HS3ST4: variants seen among roughly 807,000 people sequenced by gnomAD.
HS3ST4 encodes heparan sulfate-glucosamine 3-sulfotransferase 4.
HS3ST4 carries 17 observed loss-of-function variants against 29.2 expected under a neutral mutation model. The ratio of observed to expected loss-of-function variants is 0.58; its 90% CI spans 0.40 to 0.87. The LOEUF (loss-of-function observed/expected upper bound fraction) is 0.87, where lower values mean the gene tolerates loss of function less well. Among genes scored for constraint, HS3ST4 ranks in the 40% least tolerant of loss-of-function variants. HS3ST4 has a pLI of 0.00. For missense variants in HS3ST4, 627 were observed against 634.5 expected, an observed-to-expected ratio of 0.99 and a Z score of 0.13; for synonymous variants, 314 against 285.7, an observed-to-expected ratio of 1.10 and a Z score of -1.00.
intron 1 of HS3ST4, among the ~76,000 whole-genome samples, chr16:25,917,397 G>C (rs1968303592): frequency 6.6e-6 from 1 of 152,104 alleles, no homozygotes; most frequent in South Asian, 2.1e-4. Context: ...ATTTTTAGTA[G>C]AGATGGGGTT....
intron 1 of HS3ST4, among the ~76,000 whole-genome samples, chr16:25,855,846 T>G (rs1967569255): frequency 6.6e-6 from 1 of 152,152 alleles, no homozygotes; most frequent in African/African-American, 2.4e-5. Context: ...TGGGCTTGAC[T>G]GCCTGGGCTG....
At chr16:25,922,665 T>G (rs1968365639) in intron 1 of HS3ST4, among the ~76,000 whole-genome samples, 1 of 152,240 alleles carries the variant, frequency 6.6e-6, no homozygotes. Context: ...TCGTTGCCCT[T>G]GCAGAGATAA....
intron 1 of HS3ST4, among the ~76,000 whole-genome samples, chr16:25,949,173 G>A (rs1034702489): frequency 2.0e-5 from 3 of 151,988 alleles, no homozygotes; most frequent in Non-Finnish European, 4.4e-5. Context: ...GGAGAATGGG[G>A]TATCCAACCC....
intron 1 of HS3ST4, among the ~76,000 whole-genome samples, chr16:25,956,377 T>C (rs1968732825): frequency 6.6e-6 from 1 of 152,202 alleles, no homozygotes; most frequent in Non-Finnish European, 1.5e-5. Flanking sequence ...TTGCTCTATG[T>C]TGATAGAATC....
chr16:26,060,544 T>C (rs1178392119), intron 1 of HS3ST4, among the ~76,000 whole-genome samples: 1 of 152,152 alleles, frequency 6.6e-6, no homozygotes, highest in Non-Finnish European at 1.5e-5. Flanking sequence ...TGGTTTTCCA[T>C]AGCAGACATT....
At chr16:25,859,544 T>C (rs913291962) in intron 1 of HS3ST4, among the ~76,000 whole-genome samples, 7 of 152,224 alleles carry the variant, frequency 4.6e-5, no homozygotes, top group Non-Finnish European at 1.0e-4. Context: ...ATAACAAGAC[T>C]AAATTACATA....
At chr16:25,856,042 G>A (rs1967571236) in intron 1 of HS3ST4, among the ~76,000 whole-genome samples, 1 of 151,992 alleles carries the variant, frequency 6.6e-6, no homozygotes, top group African/African-American at 2.4e-5. Flanking sequence ...TTCCACCCTG[G>A]ATAGGTCTGT....
intron 1 of HS3ST4, among the ~76,000 whole-genome samples, chr16:25,862,645 C>T (rs1296888226): frequency 1.3e-5 from 2 of 152,288 alleles, no homozygotes; most frequent in South Asian, 2.1e-4. Context: ...GAACCCCTGT[C>T]GTACAGTAAG....
At chr16:25,817,838 C>T (rs1031860247) in intron 1 of HS3ST4, among the ~76,000 whole-genome samples, 6 of 152,268 alleles carry the variant, frequency 3.9e-5, no homozygotes, top group African/African-American at 1.2e-4. Flanking sequence ...GCCTCTGTGG[C>T]TAGGGATATA....
chr16:26,129,300 A>C (rs957091045), intron 1 of HS3ST4, among the ~76,000 whole-genome samples: 1 of 152,204 alleles, frequency 6.6e-6, no homozygotes, highest in Non-Finnish European at 1.5e-5. Flanking sequence ...TTTGCCACCT[A>C]CAAGTGACCT....
At chr16:25,840,868 T>A (rs1967404572) in intron 1 of HS3ST4, among the ~76,000 whole-genome samples, 1 of 152,184 alleles carries the variant, frequency 6.6e-6, no homozygotes, top group African/African-American at 2.4e-5. Context: ...CCAAACCCAA[T>A]CCATGGGCCA....
intron 1 of HS3ST4, among the ~76,000 whole-genome samples, chr16:26,066,456 T>C (rs1898543612): frequency 1.3e-5 from 2 of 152,214 alleles, no homozygotes; most frequent in South Asian, 4.1e-4. Flanking sequence ...AAATGAAATA[T>C]TCTACATAAG....
intron 1 of HS3ST4, among the ~76,000 whole-genome samples, chr16:25,729,215 G>A (rs1054021211): frequency 6.6e-6 from 1 of 152,222 alleles, no homozygotes; most frequent in African/African-American, 2.4e-5. Flanking sequence ...GGGGAATAGT[G>A]AGAGTTTCTT....
chr16:25,737,254 G>A (rs902030157), intron 1 of HS3ST4, among the ~76,000 whole-genome samples: 10 of 152,176 alleles, frequency 6.6e-5, no homozygotes, highest in Admixed American at 3.9e-4. Flanking sequence ...ATGCTCAGGC[G>A]ATGACCGTAT....
At position 26,009,216 on chromosome 16, in the gene HS3ST4, A is replaced by G. The variant is rs1470675190; in HGVS notation, c.735-126396A>G. On this transcript the variant is annotated intron_variant, in intron 1 of 1. Coordinates refer to ENST00000331351, the MANE Select transcript of HS3ST4 (RefSeq NM_006040.3). ...CTCTGATCCCTGATCACATGATTCC[A>G]TCAGTTAATTTCATTACACCAGATT... Among the ~76,000 whole-genome samples the G allele has an allele frequency of 2.0e-5, 3 of 152,206 alleles. No individual in the cohort carries two copies. In the South Asian group the frequency reaches 6.2e-4, roughly 32 times the overall value.
chr16:25,712,030 A>T (rs994416412), intron 1 of HS3ST4, among the ~76,000 whole-genome samples: 16 of 152,310 alleles, frequency 1.1e-4, no homozygotes, highest in Admixed American at 7.8e-4. Context: ...TATTATGACC[A>T]TCTTTTTGTG....
At chr16:25,844,030 G>A (rs967733162) in intron 1 of HS3ST4, among the ~76,000 whole-genome samples, 1 of 152,176 alleles carries the variant, frequency 6.6e-6, no homozygotes, top group Non-Finnish European at 1.5e-5. Context: ...TTGCAAATGA[G>A]TTAAAGTACT....
intron 1 of HS3ST4, among the ~76,000 whole-genome samples, chr16:25,929,782 A>C (rs1424020105): frequency 6.6e-6 from 1 of 152,220 alleles, no homozygotes; most frequent in Non-Finnish European, 1.5e-5. Flanking sequence ...CTTTTTAAAA[A>C]TATATTTCTT....
chr16:26,015,874 G>A (rs1227081632), intron 1 of HS3ST4, among the ~76,000 whole-genome samples: 2 of 152,104 alleles, frequency 1.3e-5, no homozygotes, highest in Non-Finnish European at 2.9e-5. Context: ...TTTTAACTAG[G>A]AGTGATTATA....
Sources: gnomAD v4.1 joint callset for allele counts (sites outside exome capture counted in the v4.1 genomes callset) on GRCh38, gnomAD v4.1.1 for gene constraint, MANE v1.5 for transcripts, NCBI Gene and HGNC (gene_info 2026-07-23, HGNC 2026-07-21) for gene names.